MEGF10: variants seen among roughly 807,000 people sequenced by gnomAD.
The protein encoded by MEGF10 is multiple epidermal growth factor-like domains protein 10.
In MEGF10, 86 loss-of-function variants were observed where a neutral mutation model predicts 147.5. The ratio of observed to expected loss-of-function variants is 0.58; its 90% CI spans 0.49 to 0.70. MEGF10 has a LOEUF of 0.70. Among genes scored for constraint, MEGF10 ranks in the 30% least tolerant of loss-of-function variants. The pLI, the probability that MEGF10 is intolerant of heterozygous loss-of-function variation, is 0.00. For synonymous variants in MEGF10, 478 were observed against 525.5 expected, an observed-to-expected ratio of 0.91 and a Z score of 1.24; for missense variants, 1,329 against 1,487.3, an observed-to-expected ratio of 0.89 and a Z score of 1.75.
At chr5:127,314,612 C>T (rs982710602) in intron 1 of MEGF10, among the ~76,000 whole-genome samples, 1 of 152,118 alleles carries the variant, frequency 6.6e-6, no homozygotes, top group Non-Finnish European at 1.5e-5. Flanking sequence ...AGTAAGTTGA[C>T]AGAAAGCTTA....
chr5:127,319,324 C>T (rs994444188), intron 1 of MEGF10, among the ~76,000 whole-genome samples: 1 of 152,152 alleles, frequency 6.6e-6, no homozygotes, highest in African/African-American at 2.4e-5. Flanking sequence ...GATCCACCTA[C>T]CTCGGCCTCC....
At chr5:127,301,716 T>A (rs1017261106) in intron 1 of MEGF10, among the ~76,000 whole-genome samples, 2 of 152,216 alleles carry the variant, frequency 1.3e-5, no homozygotes, top group Non-Finnish European at 2.9e-5. Context: ...TGTGAAAAGA[T>A]AATAGCATAT....
At chr5:127,426,764 A>C (rs531079411) in intron 13 of MEGF10, among the ~76,000 whole-genome samples, 2 of 152,342 alleles carry the variant, frequency 1.3e-5, no homozygotes, top group African/African-American at 4.8e-5. Context: ...GCTGAAGTTT[A>C]TGTCTTCTTT....
intron 4 of MEGF10, among the ~76,000 whole-genome samples, chr5:127,344,570 C>T (rs1761808918): frequency 6.6e-6 from 1 of 152,028 alleles, no homozygotes; most frequent in African/African-American, 2.4e-5. Flanking sequence ...GTCCATGTCA[C>T]ATGTTGTCAA....
chr5:127,252,659 G>A, the MEGF10 span, among the ~76,000 whole-genome samples: 1 of 151,950 alleles, frequency 6.6e-6, no homozygotes, highest in South Asian at 2.1e-4. Flanking sequence ...GTTAACTCTG[G>A]GGATGGGTGG....
intron 21 of MEGF10, 103 bp from the exon 22 acceptor site, chr5:127,448,996 C>A (rs140533496): frequency 1.4e-6 from 2 of 1,476,904 alleles, no homozygotes; most frequent in Non-Finnish European, 1.8e-6. Flanking sequence ...ACTCTAAGGA[C>A]TGGTCCTCAA....
intron 5 of MEGF10, among the ~76,000 whole-genome samples, chr5:127,393,265 A>AG (rs1763772127): frequency 6.6e-6 from 1 of 152,200 alleles, no homozygotes; most frequent in Non-Finnish European, 1.5e-5. Context: ...GTCTCTCCAA[A>AG]TGTGGTACTT....
At chr5:127,327,837 C>A (rs1018346590) in intron 1 of MEGF10, among the ~76,000 whole-genome samples, 1 of 151,914 alleles carries the variant, frequency 6.6e-6, no homozygotes, top group South Asian at 2.1e-4. Flanking sequence ...GCCTCAGCCT[C>A]CCAAGTAGCT....
intron 9 of MEGF10, among the ~76,000 whole-genome samples, chr5:127,412,766 T>C (rs905222393): frequency 6.6e-6 from 1 of 152,244 alleles, no homozygotes; most frequent in Non-Finnish European, 1.5e-5. Flanking sequence ...GATTTTTTGC[T>C]TGACTATGTG....
At chr5:127,369,183 G>T (rs1762761610) in intron 4 of MEGF10, among the ~76,000 whole-genome samples, 1 of 152,076 alleles carries the variant, frequency 6.6e-6, no homozygotes. Context: ...TGATGTGCAT[G>T]GTACTAAGGT....
chr5:127,340,528 A>G lies in MEGF10; in HGVS notation c.219-2A>G, dbSNP rs1761639032. ...TAATAGCTAATTTTTCCTTCTCTAT[A>G]GAGTCAGCTATCGGACAGCCTATCG... On this transcript the variant is annotated splice_acceptor_variant, in intron 3 of 24. Transcript: ENST00000503335. LOFTEE classifies it high-confidence loss of function. 6.2e-7 allele frequency: 1 copy of G among 1,611,298 alleles called. No homozygotes were observed. Among genetic ancestry groups the G allele is most frequent in the Non-Finnish European group, 8.5e-7 (1 of 1,177,852 alleles).
rs1296455933 is a variant in MEGF10, at chr5:127,290,899, C to T, written c.-176C>T. The T allele has an allele frequency of 6.6e-6, 1 of 152,274 alleles. No individual in the cohort carries two copies. The highest frequency in any genetic ancestry group is 2.4e-5 in the African/African-American group (1 of 41,450). 9.4% of individuals were successfully genotyped at this position (152,274 alleles called of 1,614,324 possible). A position where few individuals can be genotyped will look rare whatever the true frequency, so the allele number is the denominator to read the frequency against. Reference sequence around the variant, plus strand: ...ACGTTCCTCTTTCCCGCTTCTCCACCTTTACGCCTGAAAGAAGACTCCCAA... The same window carrying T: ...ACGTTCCTCTTTCCCGCTTCTCCACTTTTACGCCTGAAAGAAGACTCCCAA... On this transcript the variant is annotated 5_prime_UTR_variant, in exon 1 of 25. Coordinates refer to ENST00000503335, the MANE Select transcript of MEGF10 (RefSeq NM_001256545.2).
At chr5:127,438,227 A>G (rs188084483) in intron 16 of MEGF10, among the ~76,000 whole-genome samples, 1 of 152,352 alleles carries the variant, frequency 6.6e-6, no homozygotes, top group East Asian at 1.9e-4. Context: ...CTGCAGTTGT[A>G]AATGAATACA....
intron 5 of MEGF10, among the ~76,000 whole-genome samples, chr5:127,394,745 C>T (rs1423822399): frequency 2.0e-5 from 3 of 152,152 alleles, no homozygotes; most frequent in Admixed American, 1.3e-4. Flanking sequence ...CATTTTGAAA[C>T]TACCACCTAA....
intron 4 of MEGF10, among the ~76,000 whole-genome samples, chr5:127,359,152 A>G (rs1762382373): frequency 6.6e-6 from 1 of 152,044 alleles, no homozygotes; most frequent in South Asian, 2.1e-4. Flanking sequence ...AGTTCCCCAA[A>G]TAAATATTTA....
chr5:127,356,596 A>G (rs1040657649), intron 4 of MEGF10, among the ~76,000 whole-genome samples: 2 of 152,238 alleles, frequency 1.3e-5, no homozygotes, highest in African/African-American at 2.4e-5. Context: ...AAGCTAAAAA[A>G]CAATAGCTAA....
At chr5:127,229,896 A>G in the MEGF10 span, 17 of 152,178 alleles carry the variant, frequency 1.1e-4, no homozygotes, top group Non-Finnish European at 1.8e-4. Flanking sequence ...ACGTGTGCAA[A>G]GTATGTGTTT....
chr5:127,386,987 T>C (rs1763458757), intron 5 of MEGF10, among the ~76,000 whole-genome samples: 1 of 152,206 alleles, frequency 6.6e-6, no homozygotes, highest in Non-Finnish European at 1.5e-5. Flanking sequence ...TAGCGATGAA[T>C]TGGCCATGGG....
At position 127,340,562 on chromosome 5, in the gene MEGF10, A is replaced by C. The variant is rs370713978; in HGVS notation, c.251A>C (p.Glu84Ala). The C allele has an allele frequency of 1.9e-6, 3 of 1,612,774 alleles. No homozygotes were observed. Among genetic ancestry groups the C allele is most frequent in the Non-Finnish European group, 2.5e-6 (3 of 1,179,154 alleles). The stretch of plus-strand genomic sequence containing the variant: ...TATCGGACAGCCTATCGACATGGGG[A>C]GAAGACTATGTATAGGCGCAAGTCT... ...VSYRTAYRHGEKTMYRRKSQC... is the reference protein window; with the variant it reads ...VSYRTAYRHGAKTMYRRKSQC... The change falls in exon 4 of 25, where the codon GAG (glutamate) becomes GCG (alanine). Residue 84 changes from glutamate to alanine, a missense_variant. Coordinates refer to ENST00000503335, the MANE Select transcript of MEGF10 (RefSeq NM_001256545.2).
Sources: allele counts gnomAD v4.1 joint callset (sites outside exome capture counted in the v4.1 genomes callset), GRCh38; gene constraint gnomAD v4.1.1; transcripts MANE v1.5; gene names NCBI Gene and HGNC (gene_info 2026-07-23, HGNC 2026-07-21).